CLVS1: variants seen among roughly 807,000 people sequenced by gnomAD.
The protein encoded by CLVS1 is clavesin-1.
A neutral mutation model predicts 33.1 loss-of-function variants in CLVS1; 10 were observed. That is an observed-to-expected ratio of 0.30 (90% CI 0.19 to 0.51). The LOEUF (loss-of-function observed/expected upper bound fraction) is 0.51. Among genes scored for constraint, CLVS1 ranks in the 20% least tolerant of loss-of-function variants. CLVS1 has a pLI of 0.97. For synonymous variants in CLVS1, 163 were observed against 166.1 expected (o/e 0.98, Z 0.14); for missense variants, 343 against 433.4 (o/e 0.79, Z 1.85).
At chr8:61,233,600 A>C (rs1486448038) in intron 2 of CLVS1, among the ~76,000 whole-genome samples, 1 of 151,840 alleles carries the variant, frequency 6.6e-6, no homozygotes, top group East Asian at 1.9e-4. Flanking sequence ...CTTCTGGCTT[A>C]ATTCCCTACT....
chr8:61,064,847 G>A lies in CLVS1; in HGVS notation c.-243+7617G>A, dbSNP rs568500206. ...CTCCCGAGTAGCTGGGACTACAGGT[G>A]CCCGCCACCACGCCTGGCTAATTTT... On this transcript the variant is annotated intron_variant, in intron 1 of 2. Coordinates refer to the CLVS1 transcript ENST00000522621. 7.2e-5 allele frequency among the ~76,000 whole-genome samples: 11 copies of A among 152,124 alleles called. No homozygotes were observed. The East Asian group carries it at 2.1e-3, about 29-fold the overall frequency.
At chr8:61,037,346 A>T in the CLVS1 span, among the ~76,000 whole-genome samples, 2 of 151,914 alleles carry the variant, frequency 1.3e-5, no homozygotes, top group Admixed American at 1.3e-4. Context: ...TATCAATTTG[A>T]CCGCTCCAGG....
At chr8:61,487,254 G>A (rs1436003856) in intron 5 of CLVS1, among the ~76,000 whole-genome samples, 1 of 152,106 alleles carries the variant, frequency 6.6e-6, no homozygotes, top group Non-Finnish European at 1.5e-5. Context: ...TGTTCTGGGG[G>A]TTCTTGAAAA....
intron 3 of CLVS1, among the ~76,000 whole-genome samples, chr8:61,402,887 T>A (rs1437387789): frequency 1.3e-5 from 2 of 152,226 alleles, no homozygotes; most frequent in African/African-American, 2.4e-5. Context: ...ACATTGTGCA[T>A]ACATACACTG....
the CLVS1 span, among the ~76,000 whole-genome samples, chr8:61,017,946 A>G: frequency 2.8e-4 from 43 of 152,350 alleles, no homozygotes; most frequent in East Asian, 9.6e-4. Flanking sequence ...GCATGGTTGC[A>G]TGTATTAAAT....
the CLVS1 span, among the ~76,000 whole-genome samples, chr8:61,032,997 GAAA>G: frequency 1.9e-3 from 85 of 44,778 alleles, no homozygotes; most frequent in East Asian, 9.4e-3. Flanking sequence ...AGGAAGGAAA[GAAA>G]GAAAGAAAGA....
At chr8:61,209,955 A>G (rs938065770) in intron 2 of CLVS1, among the ~76,000 whole-genome samples, 1 of 152,242 alleles carries the variant, frequency 6.6e-6, no homozygotes, top group African/African-American at 2.4e-5. Flanking sequence ...GGAATTTTGC[A>G]AATGTAACTA....
At chr8:60,995,740 T>G in the CLVS1 span, among the ~76,000 whole-genome samples, 5 of 152,248 alleles carry the variant, frequency 3.3e-5, no homozygotes, top group South Asian at 1.0e-3. Flanking sequence ...TTATTCACAA[T>G]AGCAAAGACT....
At chr8:61,205,924 T>C (rs1807829589) in intron 2 of CLVS1, among the ~76,000 whole-genome samples, 2 of 152,208 alleles carry the variant, frequency 1.3e-5, no homozygotes. Flanking sequence ...TTATACTTTT[T>C]TGATAGTTAC....
chr8:61,059,475 C>CATATATATATATATATATATAT (rs56322834), intron 1 of CLVS1, among the ~76,000 whole-genome samples: 1,775 of 49,898 alleles, frequency 0.036, 253 homozygotes, highest in Non-Finnish European at 0.054. Flanking sequence ...TACATACATA[C>CATATATATATATATATATATAT]ATATATATAT....
chr8:61,302,565 T>C (rs1048834033), intron 2 of CLVS1, among the ~76,000 whole-genome samples: 1 of 152,226 alleles, frequency 6.6e-6, no homozygotes, highest in African/African-American at 2.4e-5. Flanking sequence ...AGAATAATTC[T>C]TTCTGAGATA....
At chr8:60,997,090 G>GA in the CLVS1 span, among the ~76,000 whole-genome samples, 2 of 152,086 alleles carry the variant, frequency 1.3e-5, no homozygotes, top group African/African-American at 4.8e-5. Flanking sequence ...TGGATTTTGG[G>GA]AAAAAATATT....
chr8:61,118,440 T>C (rs191903163), intron 1 of CLVS1, among the ~76,000 whole-genome samples: 1 of 146,012 alleles, frequency 6.8e-6, no homozygotes, highest in Non-Finnish European at 1.5e-5. Context: ...GCTCTGCTTT[T>C]CTAGTTCTTT....
At chr8:61,372,068 C>T (rs956587375) in intron 2 of CLVS1, among the ~76,000 whole-genome samples, 2 of 152,048 alleles carry the variant, frequency 1.3e-5, no homozygotes, top group African/African-American at 4.8e-5. Flanking sequence ...AAATGCTATG[C>T]AAATTATAGA....
chr8:61,039,633 C>G, the CLVS1 span, among the ~76,000 whole-genome samples: 441 of 152,266 alleles, frequency 2.9e-3, 2 homozygotes, highest in Non-Finnish European at 4.7e-3. Context: ...GCCTCCACCT[C>G]CTGCTCAAGT....
At chr8:61,006,496 T>G in the CLVS1 span, among the ~76,000 whole-genome samples, 1 of 152,134 alleles carries the variant, frequency 6.6e-6, no homozygotes, top group Non-Finnish European at 1.5e-5. Flanking sequence ...GTCTGTCTGC[T>G]GCGGTCCTGG....
chr8:61,499,526 T>C lies in CLVS1; in HGVS notation c.1049T>C (p.Leu350Pro), dbSNP rs1162282809. ...GGAGAGAATGAGAACACCCAGCCAC[T>C]CCTGGCTCTGGACTGAACCCTGAGT... ...EKGENENTQP[L>P]LALD Residue 350 changes from leucine (L) to proline (P), a missense_variant, in exon 6 of 6, where the codon CTC (leucine) becomes CCC (proline). This residue lies in a region of CLVS1 where 86 missense variants were observed against 95.0 expected (regional missense o/e 0.91). Coordinates refer to ENST00000325897, the MANE Select transcript of CLVS1 (RefSeq NM_173519.3). The C allele has an allele frequency of 6.2e-7, 1 of 1,613,436 alleles. No individual in the cohort carries two copies. Among genetic ancestry groups the C allele is most frequent in the South Asian group, 1.1e-5 (1 of 91,064 alleles).
chr8:61,441,469 G>A (rs80264439), intron 3 of CLVS1, among the ~76,000 whole-genome samples: 27 of 152,210 alleles, frequency 1.8e-4, no homozygotes, highest in East Asian at 1.4e-3. Flanking sequence ...TTCACATAAG[G>A]GCAATAAGAA....
chr8:60,965,070 T>C, the CLVS1 span, among the ~76,000 whole-genome samples: 3 of 152,038 alleles, frequency 2.0e-5, no homozygotes, highest in African/African-American at 4.8e-5. Flanking sequence ...GATTGTGAGG[T>C]TGCAGATGCT....
Sources: allele counts gnomAD v4.1 joint callset (sites outside exome capture counted in the v4.1 genomes callset), GRCh38; gene constraint gnomAD v4.1.1; regional missense constraint gnomAD v4.1.1; transcripts MANE v1.5; gene names NCBI Gene and HGNC (gene_info 2026-07-23, HGNC 2026-07-21).